Variants in PCDH15 observed in about 807,000 individuals in gnomAD.
PCDH15 encodes the protein protocadherin related 15, also known as protocadherin-15.
In PCDH15, 129 loss-of-function variants were observed where a neutral mutation model predicts 178.5. The ratio of observed to expected loss-of-function variants is 0.72; its 90% CI spans 0.63 to 0.84. PCDH15 has a LOEUF of 0.84. Ranked by LOEUF, PCDH15 falls within the 40% of genes least tolerant of loss-of-function variation. PCDH15 has a pLI of 0.00. For synonymous variants in PCDH15, 800 were observed against 732.0 expected (o/e 1.09, Z -1.50); for missense variants, 2,230 against 2,099.9 (o/e 1.06, Z -1.21).
chr10:55,395,196 T>TGTGTGA (rs1438872191), intron 2 of PCDH15, among the ~76,000 whole-genome samples: 9 of 126,700 alleles, frequency 7.1e-5, no homozygotes, highest in African/African-American at 1.9e-4. Flanking sequence ...TGTGTGTGTG[T>TGTGTGA]GAGAGAGAGA....
intron 1 of PCDH15, among the ~76,000 whole-genome samples, chr10:55,241,033 A>G (rs896325003): frequency 5.9e-5 from 9 of 152,254 alleles, no homozygotes; most frequent in East Asian, 1.9e-4. Flanking sequence ...TGGCTAACAC[A>G]GTGAAACCCT....
At chr10:54,446,290 G>T (rs760844620) in intron 3 of PCDH15, among the ~76,000 whole-genome samples, 4 of 151,564 alleles carry the variant, frequency 2.6e-5, no homozygotes, top group African/African-American at 4.8e-5. Flanking sequence ...TCCAAATAAA[G>T]TTTCCAAACT....
intron 15 of PCDH15, among the ~76,000 whole-genome samples, chr10:54,127,772 AT>A (rs1414180923): frequency 6.6e-6 from 1 of 152,144 alleles, no homozygotes; most frequent in East Asian, 1.9e-4. Context: ...AAACAGTTTT[AT>A]TCTTCCCAAG....
intron 20 of PCDH15, among the ~76,000 whole-genome samples, chr10:53,998,944 C>T (rs907668248): frequency 2.7e-4 from 40 of 149,936 alleles, no homozygotes; most frequent in African/African-American, 9.8e-4. Flanking sequence ...CCCAGCTACT[C>T]GAGAGGCTGA....
At chr10:54,549,194 C>T (rs1210145629) in intron 2 of PCDH15, among the ~76,000 whole-genome samples, 1 of 148,854 alleles carries the variant, frequency 6.7e-6, no homozygotes, top group African/African-American at 2.5e-5. Context: ...TTATTTTTAT[C>T]TTCTTTGTCC....
At chr10:55,290,893 T>G (rs899088407) in intron 1 of PCDH15, among the ~76,000 whole-genome samples, 10 of 152,036 alleles carry the variant, frequency 6.6e-5, no homozygotes, top group Admixed American at 4.6e-4. Flanking sequence ...TAATGTGTGT[T>G]TAAAGAACGG....
chr10:54,782,020 G>T (rs1950405982), intron 1 of PCDH15, among the ~76,000 whole-genome samples: 1 of 151,810 alleles, frequency 6.6e-6, no homozygotes, highest in African/African-American at 2.4e-5. Context: ...CAGAGATAAG[G>T]GGCTTTAAAA....
chr10:54,550,817 C>G (rs886596647), intron 2 of PCDH15, among the ~76,000 whole-genome samples: 5 of 151,938 alleles, frequency 3.3e-5, no homozygotes, highest in African/African-American at 9.7e-5. Flanking sequence ...TTGGATGATA[C>G]AATTAAATTT....
intron 1 of PCDH15, among the ~76,000 whole-genome samples, chr10:54,696,450 A>C (rs1015264207): frequency 2.0e-5 from 3 of 152,140 alleles, no homozygotes; most frequent in South Asian, 2.1e-4. Context: ...CTCCATTGAA[A>C]TGACAACAAA....
intron 26 of PCDH15, among the ~76,000 whole-genome samples, chr10:53,896,141 G>A (rs533393600): frequency 1.3e-5 from 2 of 152,038 alleles, no homozygotes; most frequent in South Asian, 2.1e-4. Context: ...TTTAAAGAGT[G>A]TAGGCTAAAA....
At chr10:55,028,529 A>AAAT (rs1840531529) in intron 2 of PCDH15, among the ~76,000 whole-genome samples, 1 of 152,038 alleles carries the variant, frequency 6.6e-6, no homozygotes, top group South Asian at 2.1e-4. Context: ...GTGACTTTAT[A>AAAT]AAACAGCTAC....
chr10:54,493,283 G>A (rs930159652), intron 3 of PCDH15, among the ~76,000 whole-genome samples: 2 of 151,508 alleles, frequency 1.3e-5, no homozygotes, highest in South Asian at 2.1e-4. Flanking sequence ...GGATAAGAGG[G>A]GACTAATGTA....
At chr10:55,472,224 C>T (rs1839970427) in intron 2 of PCDH15, among the ~76,000 whole-genome samples, 1 of 152,098 alleles carries the variant, frequency 6.6e-6, no homozygotes, top group Non-Finnish European at 1.5e-5. Flanking sequence ...GGAACCTCAT[C>T]TAAGGCATGT....
chr10:54,045,682 C>T (rs2093641235), intron 18 of PCDH15, among the ~76,000 whole-genome samples: 1 of 151,442 alleles, frequency 6.6e-6, no homozygotes, highest in Non-Finnish European at 1.5e-5. Flanking sequence ...ATACTCCCAC[C>T]TCACTCCACA....
intron 3 of PCDH15, among the ~76,000 whole-genome samples, chr10:54,483,669 TC>T (rs1203766133): frequency 6.6e-6 from 1 of 151,850 alleles, no homozygotes; most frequent in East Asian, 1.9e-4. Flanking sequence ...CCTAAAGAAA[TC>T]AATCCTATAC....
intron 2 of PCDH15, among the ~76,000 whole-genome samples, chr10:54,941,335 A>G (rs1838057556): frequency 1.3e-5 from 2 of 152,048 alleles, no homozygotes; most frequent in African/African-American, 4.8e-5. Context: ...TACATATTAC[A>G]TTGTACAATG....
At chr10:54,170,792 G>T (rs1177022312) in intron 13 of PCDH15, among the ~76,000 whole-genome samples, 1 of 151,954 alleles carries the variant, frequency 6.6e-6, no homozygotes, top group Non-Finnish European at 1.5e-5. Flanking sequence ...GGCAGGTTAT[G>T]CTATAGTACA....
intron 8 of PCDH15, among the ~76,000 whole-genome samples, chr10:54,240,339 T>C (rs1351536179): frequency 6.6e-6 from 1 of 150,996 alleles, no homozygotes; most frequent in African/African-American, 2.4e-5. Context: ...AAAAAAAAAG[T>C]AGTATATAGT....
At chr10:54,572,980 A>G (rs2090020394) in intron 2 of PCDH15, among the ~76,000 whole-genome samples, 1 of 152,120 alleles carries the variant, frequency 6.6e-6, no homozygotes, top group Non-Finnish European at 1.5e-5. Flanking sequence ...TTAATTATTC[A>G]TCTGCAAATC....
Sources: allele counts gnomAD v4.1 joint callset (sites outside exome capture counted in the v4.1 genomes callset), GRCh38; gene constraint gnomAD v4.1.1; transcripts MANE v1.5; gene names NCBI Gene and HGNC (gene_info 2026-07-23, HGNC 2026-07-21).